The following RMDN2 variants were observed in gnomAD, a reference collection of about 807,000 sequenced individuals.
RMDN2 encodes regulator of microtubule dynamics protein 2.
A neutral mutation model predicts 52.8 loss-of-function variants in RMDN2; 61 were observed. That is an observed-to-expected ratio of 1.16 (90% CI 0.94 to 1.43). The LOEUF is 1.43. RMDN2 is among the 40% of genes most tolerant of loss of function. RMDN2 has a pLI of 0.00. For missense variants in RMDN2, 592 were observed against 475.3 expected, an observed-to-expected ratio of 1.25 and a Z score of -2.28; for synonymous variants, 180 against 153.1, an observed-to-expected ratio of 1.18 and a Z score of -1.30.
At chr2:38,028,299 C>T (rs923598924) in intron 10 of RMDN2, 3 of 152,192 alleles carry the variant, frequency 2.0e-5, no homozygotes, top group Non-Finnish European at 4.4e-5. Flanking sequence ...CTGACAAATA[C>T]TACAATTATC....
chr2:37,982,615 G>A (rs897539192), intron 5 of RMDN2, among the ~76,000 whole-genome samples: 7 of 152,190 alleles, frequency 4.6e-5, no homozygotes, highest in African/African-American at 1.2e-4. Context: ...TTAGTGTGTC[G>A]CGGATGGATA....
At chr2:38,042,546 G>A (rs191580619) in intron 10 of RMDN2, among the ~76,000 whole-genome samples, 212 of 150,228 alleles carry the variant, frequency 1.4e-3, no homozygotes, top group African/African-American at 4.9e-3. Flanking sequence ...GCTTTCTTCC[G>A]GCTTATATTG....
chr2:37,987,773 A>G (rs555649933), intron 5 of RMDN2, among the ~76,000 whole-genome samples: 4 of 152,258 alleles, frequency 2.6e-5, no homozygotes, highest in South Asian at 2.1e-4. Context: ...TAGTGGGGGA[A>G]GTTGGCCAGG....
At chr2:37,928,992 C>T (rs953976294) in intron 1 of RMDN2, 1 of 231,086 alleles carries the variant, frequency 4.3e-6, no homozygotes, top group East Asian at 9.9e-5. Context: ...TATGTATTGC[C>T]TGGGGTTTTT....
chr2:37,937,019 G>A (rs1486977039), intron 2 of RMDN2, among the ~76,000 whole-genome samples: 2 of 152,076 alleles, frequency 1.3e-5, no homozygotes, highest in Non-Finnish European at 2.9e-5. Flanking sequence ...GGGTTTTTAT[G>A]GTTTTCAGGT....
In RMDN2 at chr2:37,929,752, C is replaced by G. The variant is rs773948681; in HGVS notation, c.452+23C>G. 5 of 1,429,470 alleles carry G rather than the reference C, an allele frequency of 3.5e-6. No homozygotes were observed. The South Asian group carries it at 5.8e-5, about 17-fold the overall frequency. The allele number at this position is 1,429,470 out of a possible 1,614,324, so 88.5% of individuals were successfully genotyped here. A position where few individuals can be genotyped will look rare whatever the true frequency, so the allele number is the denominator to read the frequency against. The stretch of plus-strand genomic sequence containing the variant: ...AGGGTAAGTTTCTTTAAGATATTTC[C>G]TATGTTGAATTGGTTATTATCATTA... On this transcript the variant is annotated intron_variant, in intron 2 of 10. Transcript: ENST00000354545.
At chr2:38,060,087 T>C (rs1478853907) in intron 10 of RMDN2, among the ~76,000 whole-genome samples, 1 of 138,664 alleles carries the variant, frequency 7.2e-6, no homozygotes, top group Admixed American at 7.0e-5. Context: ...TATTTTATTT[T>C]ATTTTATTTT....
intron 2 of RMDN2, chr2:37,952,610 C>A: frequency 4.1e-6 from 1 of 243,578 alleles, no homozygotes; most frequent in Non-Finnish European, 7.8e-6. Context: ...AAATAGTATT[C>A]TTACATAATC....
intron 10 of RMDN2, among the ~76,000 whole-genome samples, chr2:38,047,266 A>G (rs996007689): frequency 3.9e-5 from 6 of 152,254 alleles, no homozygotes; most frequent in African/African-American, 1.4e-4. Context: ...AAAGGTAAAT[A>G]CGTAAGTAAA....
chr2:37,995,418 G>A (rs977474428), intron 7 of RMDN2, among the ~76,000 whole-genome samples: 2 of 151,918 alleles, frequency 1.3e-5, no homozygotes, highest in Non-Finnish European at 2.9e-5. Flanking sequence ...GATAAAGAGT[G>A]TAACTATATA....
rs1431539555 is a variant in RMDN2 at position 37,950,445 on chromosome 2, T to C, written c.452+20716T>C. Reference sequence around the variant, plus strand: ...GAGTCTGCTGTCATCACATTCTGTGTTATTGCCATGTTAACTCCACATGCA... The same window carrying C: ...GAGTCTGCTGTCATCACATTCTGTGCTATTGCCATGTTAACTCCACATGCA... On this transcript the variant is annotated intron_variant, in intron 2 of 10. Coordinates refer to ENST00000354545, the MANE Select transcript of RMDN2 (RefSeq NM_001170791.3). 5.0e-6 allele frequency: 8 copies of C among 1,609,404 alleles called. No homozygotes were observed. In the African/African-American group the frequency reaches 1.1e-4, roughly 22 times the overall value.
At chr2:37,926,159 G>C (rs201817687) in intron 1 of RMDN2, among the ~76,000 whole-genome samples, 1 of 152,108 alleles carries the variant, frequency 6.6e-6, no homozygotes. Flanking sequence ...TACCTTCCCC[G>C]AGTTTATTAG....
chr2:37,973,989 G>C (rs757274460), intron 2 of RMDN2, 51 bp from the exon 3 acceptor site: 2 of 1,390,922 alleles, frequency 1.4e-6, no homozygotes, highest in Admixed American at 3.7e-5. Context: ...GAATGCTCTG[G>C]CTATTATACT....
intron 2 of RMDN2, among the ~76,000 whole-genome samples, chr2:37,947,854 G>A (rs1451617750): frequency 6.6e-6 from 1 of 152,166 alleles, no homozygotes; most frequent in Non-Finnish European, 1.5e-5. Flanking sequence ...TTGTGTTAAG[G>A]ATTCAGTCCC....
chr2:37,970,432 T>G (rs894117678), intron 2 of RMDN2, among the ~76,000 whole-genome samples: 71 of 152,320 alleles, frequency 4.7e-4, no homozygotes, highest in African/African-American at 1.7e-3. Flanking sequence ...TGCAATAGCT[T>G]GATTGATATT....
intron 2 of RMDN2, among the ~76,000 whole-genome samples, chr2:37,946,513 CTTTATCG>C (rs1346321458): frequency 6.6e-6 from 1 of 152,120 alleles, no homozygotes; most frequent in Non-Finnish European, 1.5e-5. Context: ...GCTTTGCACA[CTTTATCG>C]TTTAGCACAT....
upstream of RMDN2, among the ~76,000 whole-genome samples, chr2:37,922,450 C>G (rs1250694831): frequency 2.0e-5 from 3 of 151,614 alleles, no homozygotes; most frequent in African/African-American, 7.3e-5. Context: ...ACACTCCCAT[C>G]TCACATTACT....
At chr2:38,014,838 G>A (rs981199212) in intron 10 of RMDN2, among the ~76,000 whole-genome samples, 1 of 152,158 alleles carries the variant, frequency 6.6e-6, no homozygotes, top group African/African-American at 2.4e-5. Context: ...CATGAATTCT[G>A]TGGTCTAGTG....
intron 1 of RMDN2, among the ~76,000 whole-genome samples, chr2:37,926,306 A>G (rs1666271836): frequency 6.6e-6 from 1 of 152,260 alleles, no homozygotes; most frequent in South Asian, 2.1e-4. Flanking sequence ...ATTTTAAATA[A>G]AACTAGAACA....
Sources: gnomAD v4.1 joint callset for allele counts (sites outside exome capture counted in the v4.1 genomes callset) on GRCh38, gnomAD v4.1.1 for gene constraint, MANE v1.5 for transcripts, NCBI Gene and HGNC (gene_info 2026-07-23, HGNC 2026-07-21) for gene names.